Variants in NUDC observed in about 807,000 individuals in gnomAD.
NUDC encodes nuclear distribution C, dynein complex regulator.
In NUDC, 14 loss-of-function variants were observed where a neutral mutation model predicts 45.0. That is an observed-to-expected ratio of 0.31 (90% CI 0.21 to 0.49). NUDC has a LOEUF of 0.49. NUDC is among the 20% of genes least tolerant of loss of function. The probability of loss-of-function intolerance (pLI) is 0.99; values close to 1 mark genes in which losing one functional copy is unlikely to be tolerated. For synonymous variants in NUDC, 153 were observed against 156.7 expected (o/e 0.98, Z 0.17); for missense variants, 323 against 426.2 (o/e 0.76, Z 2.13).
intron 2 of NUDC, among the ~76,000 whole-genome samples, chr1:26,902,909 C>G (rs2081986654): frequency 6.6e-6 from 1 of 151,974 alleles, no homozygotes; most frequent in South Asian, 2.1e-4. Flanking sequence ...ATTAGCCACT[C>G]ATGGTGGTAT....
upstream of NUDC, among the ~76,000 whole-genome samples, chr1:26,919,676 C>A (rs180699980): frequency 1.0e-3 from 152 of 152,286 alleles, no homozygotes; most frequent in African/African-American, 3.5e-3. Flanking sequence ...CTGCCAGCCA[C>A]CCAGCTATAT....
intron 2 of NUDC, among the ~76,000 whole-genome samples, chr1:26,908,966 C>T (rs908444784): frequency 2.0e-5 from 3 of 147,654 alleles, no homozygotes; most frequent in African/African-American, 5.0e-5. Flanking sequence ...CCTCGTGATC[C>T]GCCTGGCCTT....
chr1:26,941,361 G>C, intron 2 of NUDC, 96 bp from the exon 3 acceptor site: 1 of 1,279,458 alleles, frequency 7.8e-7, no homozygotes. Context: ...GCAGTGCTTT[G>C]CCCTTGCACC....
At chr1:26,909,002 T>A (rs1413621223) in intron 2 of NUDC, among the ~76,000 whole-genome samples, 1 of 150,498 alleles carries the variant, frequency 6.6e-6, no homozygotes, top group East Asian at 1.9e-4. Flanking sequence ...TGAGACAGAG[T>A]CTCACTCTGT....
rs374850240 is a variant in NUDC at position 26,913,891 on chromosome 1, C to T, written c.93+2656C>T. 43 of 1,480,626 alleles carry T rather than the reference C, an allele frequency of 2.9e-5. No individual in the cohort carries two copies. The highest frequency in any genetic ancestry group is 5.6e-5 in the African/African-American group (4 of 71,300). The allele number at this position is 1,480,626 out of a possible 1,614,324, so 91.7% of individuals were successfully genotyped here. A position where few individuals can be genotyped will look rare whatever the true frequency, so the allele number is the denominator to read the frequency against. On this transcript the variant is annotated intron_variant, in intron 3 of 6. Transcript: ENST00000435827. ...CAGAAGTGCGTAGAGAATGGCGGGGCGGCTTGCAGCTCCCTGGCATGGGCA... is the reference window on the plus strand; with the variant it reads ...CAGAAGTGCGTAGAGAATGGCGGGGTGGCTTGCAGCTCCCTGGCATGGGCA...
intron 2 of NUDC, among the ~76,000 whole-genome samples, chr1:26,936,651 A>T (rs1194133510): frequency 6.6e-6 from 1 of 152,074 alleles, no homozygotes; most frequent in Non-Finnish European, 1.5e-5. Flanking sequence ...ACAAAAAAAA[A>T]TTTTAAGATT....
chr1:26,913,184 G>T (rs888295792), intron 3 of NUDC, among the ~76,000 whole-genome samples: 2 of 152,120 alleles, frequency 1.3e-5, no homozygotes, highest in Non-Finnish European at 2.9e-5. Context: ...TACTCGGGAG[G>T]CTGAGGCAGA....
At position 26,924,116 on chromosome 1, in the gene NUDC, C is replaced by G; in HGVS notation, c.109C>G (p.Arg37Gly). 6.2e-7 allele frequency: 1 copy of G among 1,614,098 alleles called. No individual in the cohort carries two copies. The highest frequency in any genetic ancestry group is 1.7e-5 in the Admixed American group (1 of 60,016). The part of the protein sequence containing the change: ...ELVNTFFSFL[R>G]RKTDFFIGGE... Reference sequence around the variant, plus strand: ...TGTGAACACCTTCTTCAGCTTCCTTCGACGCAAAACAGACTTTTTCATTGG... The same window carrying G: ...TGTGAACACCTTCTTCAGCTTCCTTGGACGCAAAACAGACTTTTTCATTGG... The change falls in exon 2 of 9, where the codon CGA becomes GGA. Residue 37 changes from arginine to glycine, a missense_variant. Arg to Gly is a moderately radical substitution (Grantham distance 125). Around this residue, in one of 3 missense-constraint regions of NUDC, gnomAD observed 245 missense variants for 278.8 expected, o/e 0.88. Transcript: ENST00000321265.
At chr1:26,916,607 T>A (rs2082063074) in intron 3 of NUDC, among the ~76,000 whole-genome samples, 1 of 152,054 alleles carries the variant, frequency 6.6e-6, no homozygotes, top group Non-Finnish European at 1.5e-5. Flanking sequence ...TCTGATTTAA[T>A]CTTTTAGTGG....
chr1:26,911,819 C>G (rs1413567651), intron 3 of NUDC: 2 of 1,613,940 alleles, frequency 1.2e-6, no homozygotes, highest in Non-Finnish European at 1.7e-6. Context: ...CTCTGCCCAC[C>G]TGATCTCTGC....
intron 3 of NUDC, chr1:26,913,384 C>G (rs763152717): frequency 1.6e-5 from 25 of 1,612,292 alleles, no homozygotes; most frequent in Middle Eastern, 1.7e-4. Context: ...CCTTGCCCCC[C>G]ACCCAGGAGT....
At chr1:26,914,739 G>C (rs1359884128) in intron 3 of NUDC, among the ~76,000 whole-genome samples, 1 of 152,080 alleles carries the variant, frequency 6.6e-6, no homozygotes, top group African/African-American at 2.4e-5. Flanking sequence ...GGCTGAGGAA[G>C]GGGGATCATT....
intron 2 of NUDC, among the ~76,000 whole-genome samples, chr1:26,903,045 C>G (rs2081987337): frequency 6.7e-6 from 1 of 149,326 alleles, no homozygotes; most frequent in South Asian, 2.1e-4. Flanking sequence ...GAGCGAGACT[C>G]TGTCTCAAAA....
intron 2 of NUDC, among the ~76,000 whole-genome samples, chr1:26,925,963 CT>C (rs2082128662): frequency 6.6e-6 from 1 of 151,854 alleles, no homozygotes; most frequent in Admixed American, 6.6e-5. Flanking sequence ...CTCAGGTGAT[CT>C]GCCTGCCTTG....
At chr1:26,937,023 CTG>C (rs2082240674) in intron 2 of NUDC, among the ~76,000 whole-genome samples, 1 of 152,222 alleles carries the variant, frequency 6.6e-6, no homozygotes, top group Admixed American at 6.5e-5. Context: ...CAGCTGTAAA[CTG>C]GGGTTTGCCA....
chr1:26,935,818 CA>C (rs2082224854), intron 2 of NUDC, among the ~76,000 whole-genome samples: 1 of 151,450 alleles, frequency 6.6e-6, no homozygotes, highest in African/African-American at 2.4e-5. Context: ...TAAGAGACCT[CA>C]AACAAAGACA....
At chr1:26,946,062 G>A in intron 8 of NUDC, 68 bp from the exon 9 acceptor site, 1 of 1,465,576 alleles carries the variant, frequency 6.8e-7, no homozygotes, top group Non-Finnish European at 9.6e-7. Context: ...TTGACACGGG[G>A]GTGCTGGGAG....
chr1:26,925,718 ATTT>A (rs35681038), intron 2 of NUDC, among the ~76,000 whole-genome samples: 1 of 126,858 alleles, frequency 7.9e-6, no homozygotes, highest in Non-Finnish European at 1.7e-5. Context: ...ATCATGAGGA[ATTT>A]TTTTTTTTTT....
chr1:26,908,489 G>C (rs968240853), intron 2 of NUDC, among the ~76,000 whole-genome samples: 1 of 152,318 alleles, frequency 6.6e-6, no homozygotes, highest in East Asian at 1.9e-4. Flanking sequence ...AGAAACAGAA[G>C]TGTAGCTCCC....
Sources: allele counts gnomAD v4.1 joint callset (sites outside exome capture counted in the v4.1 genomes callset), GRCh38; gene constraint gnomAD v4.1.1; regional missense constraint gnomAD v4.1.1; transcripts MANE v1.5; gene names NCBI Gene and HGNC (gene_info 2026-07-23, HGNC 2026-07-21).